ZNF710: variants seen among roughly 807,000 people sequenced by gnomAD.
The protein encoded by ZNF710 is zinc finger protein 710.
In ZNF710, 13 loss-of-function variants were observed where a neutral mutation model predicts 50.6. The observed-to-expected ratio is 0.26, with a 90% CI of 0.17 to 0.41. The LOEUF is 0.41. ZNF710 is among the 10% of genes least tolerant of loss of function. The pLI, the probability that ZNF710 is intolerant of heterozygous loss-of-function variation, is 1.00. For missense variants in ZNF710, 721 were observed against 936.6 expected (o/e 0.77, Z 3.01); for synonymous variants, 383 against 397.0 (o/e 0.96, Z 0.42).
At chr15:90,009,938 T>G (rs1295332683) in intron 1 of ZNF710, among the ~76,000 whole-genome samples, 1 of 152,162 alleles carries the variant, frequency 6.6e-6, no homozygotes, top group African/African-American at 2.4e-5. Flanking sequence ...TGGCCCATCT[T>G]GTGACTTCCT....
At chr15:90,007,808 C>T (rs1898177391) in intron 1 of ZNF710, among the ~76,000 whole-genome samples, 1 of 151,418 alleles carries the variant, frequency 6.6e-6, no homozygotes, top group African/African-American at 2.4e-5. Flanking sequence ...GAGGCTCACC[C>T]CCACCCCCAC....
intron 1 of ZNF710, among the ~76,000 whole-genome samples, chr15:90,004,245 C>T (rs1898083551): frequency 6.6e-6 from 1 of 152,134 alleles, no homozygotes. Context: ...AGATTTTGCA[C>T]TTCTATTTTA....
rs1156925766 is a variant in ZNF710 at position 90,080,204 on chromosome 15, A to T, written c.*375A>T. On this transcript the variant is annotated 3_prime_UTR_variant, in exon 5 of 5. Coordinates refer to ENST00000268154, the MANE Select transcript of ZNF710 (RefSeq NM_198526.4). ...AGCTCTTCAGGGGTCCTGACACTGG[A>T]AGAAGAGACCACTTGAGCCATGTCT... is the stretch of plus-strand genomic sequence containing the variant. The T allele has an allele frequency of 5.7e-6, 1 of 174,798 alleles. No individual in the cohort carries two copies. The highest frequency in any genetic ancestry group is 1.2e-5 in the Non-Finnish European group (1 of 83,724). The allele number at this position is 174,798 out of a possible 1,614,324, so 10.8% of individuals were successfully genotyped here.
intron 1 of ZNF710, among the ~76,000 whole-genome samples, chr15:90,023,408 C>T (rs779415672): frequency 5.3e-5 from 8 of 152,248 alleles, no homozygotes; most frequent in Non-Finnish European, 1.0e-4. Flanking sequence ...TAGCACTCTT[C>T]CAAAGAGTGA....
intron 1 of ZNF710, among the ~76,000 whole-genome samples, 164 bp downstream of exon 1, chr15:90,001,778 G>T (rs1898017832): frequency 6.8e-6 from 1 of 146,244 alleles, no homozygotes. Context: ...CCCGCGCCGC[G>T]CTGCAAACAT....
chr15:90,017,548 G>A (rs1038838175), intron 1 of ZNF710, among the ~76,000 whole-genome samples: 10 of 151,966 alleles, frequency 6.6e-5, no homozygotes, highest in African/African-American at 1.7e-4. Flanking sequence ...GAATGCTCTC[G>A]GGGGTAGGAA....
At position 90,034,541 on chromosome 15, in the gene ZNF710, C is replaced by T. The variant is rs1265462841; in HGVS notation, c.-28-32569C>T. 5.9e-5 allele frequency among the ~76,000 whole-genome samples: 9 copies of T among 151,346 alleles called. No individual in the cohort carries two copies. The highest frequency in any genetic ancestry group is 2.0e-4 in the East Asian group (1 of 5,118). ...AGCAGGGTTGTCAGGAAACAACCATCGGTTTCCTGCTGATTAACTCAGTTC... is the reference window on the plus strand; with the variant it reads ...AGCAGGGTTGTCAGGAAACAACCATTGGTTTCCTGCTGATTAACTCAGTTC... On this transcript the variant is annotated intron_variant, in intron 1 of 4. Coordinates refer to ENST00000268154, the MANE Select transcript of ZNF710 (RefSeq NM_198526.4). The surrounding 1 kb of genome is among the most constrained non-coding windows in gnomAD (Gnocchi z 4.0).
rs1212232228 is a variant in ZNF710 at position 90,080,012 on chromosome 15, C to T, written c.*183C>T. The T allele has an allele frequency of 1.3e-5, 7 of 550,142 alleles. No individual in the cohort carries two copies. Among genetic ancestry groups the T allele is most frequent in the South Asian group, 1.2e-4 (4 of 33,912 alleles). The allele number at this position is 550,142 out of a possible 1,614,324, so 34.1% of individuals were successfully genotyped here. On this transcript the variant is annotated 3_prime_UTR_variant, in exon 5 of 5. Coordinates refer to ENST00000268154, the MANE Select transcript of ZNF710 (RefSeq NM_198526.4). ...ACCAAATGGAGACTGTACTACTGGC[C>T]CCGGCTGTGAGCCAGCACAGGCCCA...
At chr15:90,064,275 T>C (rs1900102209) in intron 1 of ZNF710, among the ~76,000 whole-genome samples, 1 of 152,224 alleles carries the variant, frequency 6.6e-6, no homozygotes, top group East Asian at 1.9e-4. Flanking sequence ...GACCCCTGCC[T>C]CATTCACCTT....
intron 1 of ZNF710, among the ~76,000 whole-genome samples, chr15:90,021,286 A>C (rs1217792847): frequency 2.0e-5 from 3 of 152,198 alleles, no homozygotes; most frequent in African/African-American, 7.2e-5. Context: ...CCTCATCCTT[A>C]AGTCACAGGA....
chr15:90,041,187 T>A (rs903813383), intron 1 of ZNF710, among the ~76,000 whole-genome samples: 2 of 152,102 alleles, frequency 1.3e-5, no homozygotes, highest in African/African-American at 2.4e-5. Flanking sequence ...ATTCTTTTCT[T>A]TTCTCTTTGT....
chr15:90,008,443 T>TATATATACAC (rs1567218415), intron 1 of ZNF710, among the ~76,000 whole-genome samples: 9 of 140,494 alleles, frequency 6.4e-5, no homozygotes, highest in African/African-American at 2.6e-4. Context: ...TATATATACA[T>TATATATACAC]ATATATATAT....
At chr15:90,009,390 A>G (rs1003177777) in intron 1 of ZNF710, among the ~76,000 whole-genome samples, 2 of 152,050 alleles carry the variant, frequency 1.3e-5, no homozygotes, top group Non-Finnish European at 2.9e-5. Flanking sequence ...ATCGCTTCCC[A>G]TCGTGGCTCC....
At chr15:90,030,047 C>T (rs530505404) in intron 1 of ZNF710, among the ~76,000 whole-genome samples, 3 of 151,770 alleles carry the variant, frequency 2.0e-5, no homozygotes, top group East Asian at 3.9e-4. Context: ...CATTAGCTAT[C>T]GGCCGGGCAC....
chr15:90,007,923 G>C (rs1898180358), intron 1 of ZNF710, among the ~76,000 whole-genome samples: 1 of 151,976 alleles, frequency 6.6e-6, no homozygotes, highest in Non-Finnish European at 1.5e-5. Flanking sequence ...GCCCATGAAA[G>C]CCTGTATCAC....
intron 1 of ZNF710, among the ~76,000 whole-genome samples, chr15:90,058,563 G>C (rs77054144): frequency 0.12 from 18,469 of 151,818 alleles, 3,240 homozygotes; most frequent in African/African-American, 0.39. Flanking sequence ...AGACACTCCC[G>C]TGCTGGGCCC....
At chr15:90,026,658 A>C (rs942595204) in intron 1 of ZNF710, among the ~76,000 whole-genome samples, 1 of 152,226 alleles carries the variant, frequency 6.6e-6, no homozygotes, top group Non-Finnish European at 1.5e-5. Context: ...AATAGAATTC[A>C]ATAATATATT....
At chr15:90,049,539 C>G (rs1899572376) in intron 1 of ZNF710, among the ~76,000 whole-genome samples, 1 of 152,220 alleles carries the variant, frequency 6.6e-6, no homozygotes. Flanking sequence ...ACACATGGCC[C>G]AGAGCCTACC....
At chr15:90,029,015 G>A (rs990018423) in intron 1 of ZNF710, among the ~76,000 whole-genome samples, 2 of 152,310 alleles carry the variant, frequency 1.3e-5, no homozygotes, top group Non-Finnish European at 2.9e-5. Context: ...TTTGTAATGG[G>A]TGGTTTTATT....
Sources: allele counts gnomAD v4.1 joint callset (sites outside exome capture counted in the v4.1 genomes callset), GRCh38; gene constraint gnomAD v4.1.1; non-coding constraint Gnocchi (gnomAD v3.1); transcripts MANE v1.5; gene names NCBI Gene and HGNC (gene_info 2026-07-23, HGNC 2026-07-21).